Variants in SNAP29 observed in about 807,000 individuals in gnomAD.
The protein encoded by SNAP29 is synaptosomal-associated protein 29.
In SNAP29, 13 loss-of-function variants were observed where a neutral mutation model predicts 27.9. The observed-to-expected ratio is 0.47, with a 90% CI of 0.30 to 0.74. The LOEUF (loss-of-function observed/expected upper bound fraction) is 0.74. Among genes scored for constraint, SNAP29 ranks in the 30% least tolerant of loss-of-function variants. The pLI is 0.06. For missense variants in SNAP29, 368 were observed against 336.5 expected, an observed-to-expected ratio of 1.09 and a Z score of -0.73; for synonymous variants, 119 against 127.1, an observed-to-expected ratio of 0.94 and a Z score of 0.43.
At chr22:20,867,231 A>G (rs1320392330) in intron 1 of SNAP29, among the ~76,000 whole-genome samples, 1 of 152,144 alleles carries the variant, frequency 6.6e-6, no homozygotes, top group Non-Finnish European at 1.5e-5. Context: ...CGTCCTTTAC[A>G]CTGAGGGCAC....
chr22:20,861,067 C>A (rs78824534), intron 1 of SNAP29, among the ~76,000 whole-genome samples: 2 of 151,670 alleles, frequency 1.3e-5, no homozygotes, highest in Non-Finnish European at 2.9e-5. Flanking sequence ...GGTTAATTCC[C>A]TTCCCCACCT....
At chr22:20,881,663 C>T (rs1928895493) in intron 3 of SNAP29, among the ~76,000 whole-genome samples, 2 of 152,144 alleles carry the variant, frequency 1.3e-5, no homozygotes, top group South Asian at 2.1e-4. Flanking sequence ...GCTGAGATCA[C>T]GCCACTGCAC....
At chr22:20,880,305 C>G (rs929072109) in intron 2 of SNAP29, among the ~76,000 whole-genome samples, 2 of 152,086 alleles carry the variant, frequency 1.3e-5, no homozygotes, top group African/African-American at 4.8e-5. Flanking sequence ...AGAGACCAGC[C>G]TGGCCAACAT....
intron 2 of SNAP29, among the ~76,000 whole-genome samples, chr22:20,876,462 C>T (rs1316595145): frequency 6.6e-6 from 1 of 151,582 alleles, no homozygotes; most frequent in Non-Finnish European, 1.5e-5. Context: ...CTCACTTTGT[C>T]TCCCAGGCTG....
intron 2 of SNAP29, among the ~76,000 whole-genome samples, chr22:20,878,167 C>T (rs1928792698): frequency 6.6e-6 from 1 of 152,042 alleles, no homozygotes; most frequent in African/African-American, 2.4e-5. Flanking sequence ...TAGAAAGATG[C>T]GCAGCACCCA....
chr22:20,862,624 G>T (rs141462478), intron 1 of SNAP29, among the ~76,000 whole-genome samples: 335 of 152,282 alleles, frequency 2.2e-3, no homozygotes, highest in South Asian at 0.01. Context: ...TGCCCCCAAA[G>T]GTCTTTCTAT....
chr22:20,864,529 C>T (rs141511914), intron 1 of SNAP29, among the ~76,000 whole-genome samples: 9 of 152,298 alleles, frequency 5.9e-5, no homozygotes, highest in African/African-American at 1.9e-4. Flanking sequence ...TGGAGCAGCC[C>T]ACTCCAAATG....
chr22:20,887,535 A>G lies in SNAP29; in HGVS notation c.620-144A>G. 7.1e-6 allele frequency: 6 copies of G among 844,906 alleles called. No individual in the cohort carries two copies. The Admixed American group carries it at 1.0e-4, about 15-fold the overall frequency. The allele number at this position is 844,906 out of a possible 1,614,324, so 52.3% of individuals were successfully genotyped here. ...ACTCTTCACCCTGACAGAATCAATT[A>G]AGTCAAGACTCATCTCTGCAGTGGG... is the stretch of plus-strand genomic sequence containing the variant. On this transcript the variant is annotated intron_variant, in intron 4 of 4. Transcript: ENST00000215730.
Position 20,890,554 on chromosome 22 carries a change from G to A in SNAP29, c.*2718G>A, listed in dbSNP as rs1416855003. On this transcript the variant is annotated 3_prime_UTR_variant, in exon 5 of 5. Coordinates refer to ENST00000215730, the MANE Select transcript of SNAP29 (RefSeq NM_004782.4). ...GGGGGGATCACGAGGTCAGGAGATC[G>A]AGACCATCCTGGCTAACACGGTGAA... 8.3e-6 allele frequency: 3 copies of A among 361,016 alleles called. No homozygotes were observed. The highest frequency in any genetic ancestry group is 1.5e-5 in the Non-Finnish European group (3 of 203,090). 22.4% of individuals were successfully genotyped at this position (361,016 alleles called of 1,614,324 possible).
In SNAP29 at chr22:20,859,467, C is replaced by A. The variant is rs1601641063; in HGVS notation, c.237+120C>A. The A allele has an allele frequency of 1.0e-5, 8 of 784,442 alleles. No homozygotes were observed. The East Asian group carries it at 2.0e-4, about 19-fold the overall frequency. The allele number at this position is 784,442 out of a possible 1,614,324, so 48.6% of individuals were successfully genotyped here. On this transcript the variant is annotated intron_variant, in intron 1 of 4. Coordinates refer to ENST00000215730, the MANE Select transcript of SNAP29 (RefSeq NM_004782.4). ...AAGTTGCCTAGCATAGATTCTTGCA[C>A]CTTAGTGACTCGATGGTGGTAACAA...
chr22:20,881,148 T>C lies in SNAP29; in HGVS notation c.520+14T>C, dbSNP rs1928882519. On this transcript the variant is annotated intron_variant, in intron 3 of 4. Transcript: ENST00000215730. ...TGGATGATACAGGTAAGTGGATACC[T>C]GTGTGCACAGCCACATTTGAATTCT... The C allele has an allele frequency of 6.4e-7, 1 of 1,558,398 alleles. No individual in the cohort carries two copies. The highest frequency in any genetic ancestry group is 8.9e-7 in the Non-Finnish European group (1 of 1,129,410).
At position 20,874,317 on chromosome 22, in the gene SNAP29, GAC is replaced by G. The variant is rs368789277; in HGVS notation, c.434+3805_434+3806del. Among the ~76,000 whole-genome samples the G allele has an allele frequency of 4.5e-3, 536 of 117,998 alleles. 8 individuals are homozygous for G. The highest frequency in any genetic ancestry group is 0.02 in the Admixed American group (198 of 10,090). The allele number at this position is 117,998 out of a possible 152,430, so 77.4% of individuals were successfully genotyped here. ...ACTCTGACACACACAGACACACACA[GAC>G]ACACACACACACACACACACGAAAA... On this transcript the variant is annotated intron_variant, in intron 2 of 4. Transcript: ENST00000215730.
Position 20,859,236 on chromosome 22 carries a change from G to A in SNAP29, c.126G>A (p.Gln42=), listed in dbSNP as rs1253853402. The A allele has an allele frequency of 1.9e-6, 3 of 1,607,058 alleles. No individual in the cohort carries two copies. Among genetic ancestry groups the A allele is most frequent in the Middle Eastern group, 1.7e-4 (1 of 6,050 alleles). The part of the protein sequence containing the change: ...PDGPDAPADR[Q]QYLRQEVLRR... ...GGCCCGACGCGCCCGCGGACAGGCA[G>A]CAGTACTTGCGGCAGGAGGTCCTCC... The change falls in exon 1 of 5, where the codon CAG becomes CAA. Residue 42 remains glutamine (Q), a synonymous_variant. Transcript: ENST00000215730.
chr22:20,865,798 A>C (rs935475337), intron 1 of SNAP29, among the ~76,000 whole-genome samples: 1 of 152,238 alleles, frequency 6.6e-6, no homozygotes, highest in Non-Finnish European at 1.5e-5. Flanking sequence ...TCCTCTCCCC[A>C]TGGAGTCATG....
intron 2 of SNAP29, among the ~76,000 whole-genome samples, chr22:20,875,156 A>G (rs1311707075): frequency 1.3e-5 from 2 of 152,124 alleles, no homozygotes; most frequent in Non-Finnish European, 2.9e-5. Context: ...GGCTTCCATC[A>G]GTGAGGCAGC....
At chr22:20,869,170 G>T (rs1928527647) in intron 1 of SNAP29, among the ~76,000 whole-genome samples, 1 of 152,236 alleles carries the variant, frequency 6.6e-6, no homozygotes. Context: ...TGAGGCAGGA[G>T]AATCGCTTGA....
At chr22:20,876,127 G>C (rs1369991997) in intron 2 of SNAP29, among the ~76,000 whole-genome samples, 2 of 151,064 alleles carry the variant, frequency 1.3e-5, no homozygotes, top group African/African-American at 2.4e-5. Flanking sequence ...AGCCACTGCA[G>C]TCCAGCCTGG....
At chr22:20,866,214 C>A (rs191650459) in intron 1 of SNAP29, among the ~76,000 whole-genome samples, 3 of 152,318 alleles carry the variant, frequency 2.0e-5, no homozygotes, top group Non-Finnish European at 4.4e-5. Context: ...GCACTACCGC[C>A]TTTGCCCTTG....
Position 20,881,060 on chromosome 22 carries a change from C to CTAT in SNAP29, c.447_449dup (p.Ile150dup), listed in dbSNP as rs749208728. 7.5e-6 allele frequency: 12 copies of CTAT among 1,609,268 alleles called. No homozygotes were observed. The South Asian group carries it at 1.2e-4, about 16-fold the overall frequency. On this transcript the variant is annotated inframe_insertion, in exon 3 of 5. Transcript: ENST00000215730. ...ACTTTTATCCAAAGATTGAAAGAAG[C>CTAT]TATAAGTACAAGTAAAGAACAGGAA...
Sources: gnomAD v4.1 joint callset for allele counts (sites outside exome capture counted in the v4.1 genomes callset) on GRCh38, gnomAD v4.1.1 for gene constraint, MANE v1.5 for transcripts, NCBI Gene and HGNC (gene_info 2026-07-23, HGNC 2026-07-21) for gene names.